Variants in CDV3 observed in about 807,000 individuals in gnomAD.
CDV3 encodes protein CDV3 homolog.
In CDV3, 14 loss-of-function variants were observed where a neutral mutation model predicts 24.5. That is an observed-to-expected ratio of 0.57 (90% CI 0.38 to 0.89). The LOEUF (loss-of-function observed/expected upper bound fraction) is 0.89, where lower values mean the gene tolerates loss of function less well. Among genes scored for constraint, CDV3 ranks in the 40% least tolerant of loss-of-function variants. CDV3 has a pLI of 0.00. For synonymous variants in CDV3, 114 were observed against 114.1 expected, an observed-to-expected ratio of 1.00 and a Z score of 0.00; for missense variants, 304 against 310.2, an observed-to-expected ratio of 0.98 and a Z score of 0.15.
rs1004141614 is a variant in CDV3, at chr3:133,590,050, T to G, written c.*2004T>G. On this transcript the variant is annotated 3_prime_UTR_variant, in exon 5 of 5. Coordinates refer to ENST00000264993, the MANE Select transcript of CDV3 (RefSeq NM_017548.5). ...GTAAAGGCATATTGTACTCGAAATC[T>G]GAAGACCTGCAGCAGATTTAAATTA... 2.0e-5 allele frequency: 3 copies of G among 152,246 alleles called. No homozygotes were observed. The highest frequency in any genetic ancestry group is 7.2e-5 in the African/African-American group (3 of 41,462). 9.4% of individuals were successfully genotyped at this position (152,246 alleles called of 1,614,324 possible).
chr3:133,574,738 G>GTCGGCGTAT, intron 1 of CDV3: 1 of 1,098,932 alleles, frequency 9.1e-7, no homozygotes, highest in Non-Finnish European at 1.1e-6. Flanking sequence ...ACTCTCGGTG[G>GTCGGCGTAT]CAAGGTTGAA....
intron 3 of CDV3, among the ~76,000 whole-genome samples, chr3:133,584,634 A>G (rs886467292): frequency 8.5e-5 from 13 of 152,186 alleles, no homozygotes; most frequent in Non-Finnish European, 1.8e-4. Flanking sequence ...ACAGCTGAGT[A>G]AAGACAGAAA....
Position 133,587,929 on chromosome 3 carries a change from A to G in CDV3, c.660A>G (p.Val220=). Residue 220 remains valine, a synonymous_variant, in exon 5 of 5, where the codon GTA becomes GTG. Transcript: ENST00000264993. Reference sequence around the variant, plus strand: ...AAATGGAGAAGAGCTTTGAAGTAGTAAGACACAAAAATAGAGGTAGGGATG... The same window carrying G: ...AAATGGAGAAGAGCTTTGAAGTAGTGAGACACAAAAATAGAGGTAGGGATG... ...DKEMEKSFEV[V]RHKNRGRDEV... 1.2e-6 allele frequency: 2 copies of G among 1,612,932 alleles called. No homozygotes were observed. Among genetic ancestry groups the G allele is most frequent in the Non-Finnish European group, 1.7e-6 (2 of 1,179,044 alleles).
intron 1 of CDV3, chr3:133,574,821 C>A: frequency 1.2e-6 from 1 of 820,982 alleles, no homozygotes; most frequent in Non-Finnish European, 1.7e-6. Flanking sequence ...GTAACAGCTC[C>A]CATGCAGGAA....
intron 2 of CDV3, among the ~76,000 whole-genome samples, chr3:133,581,021 TAAAA>T (rs551999289): frequency 6.7e-6 from 1 of 148,876 alleles, no homozygotes; most frequent in African/African-American, 2.5e-5. Context: ...CACTAGACAG[TAAAA>T]AAAAAACTTC....
chr3:133,579,806 TGG>T lies in CDV3; in HGVS notation c.318-4195_318-4194del, dbSNP rs778527214. On this transcript the variant is annotated intron_variant, in intron 2 of 4. Coordinates refer to ENST00000264993, the MANE Select transcript of CDV3 (RefSeq NM_017548.5). ...CAGTGTTTGACCATGTTGGTCAGGG[TGG>T]TCTCGAACTCCTGACCTCCAGTGAT... Among the ~76,000 whole-genome samples the T allele has an allele frequency of 1.3e-4, 20 of 152,186 alleles. 2 individuals carry two copies. The highest frequency in any genetic ancestry group is 2.4e-4 in the African/African-American group (10 of 41,534).
At chr3:133,574,474 C>T (rs1299979998) in intron 1 of CDV3, 190 bp downstream of exon 1, 4 of 986,294 alleles carry the variant, frequency 4.1e-6, no homozygotes, top group Non-Finnish European at 4.8e-6. Flanking sequence ...CCGATATCCG[C>T]GGTGGAGCCG....
At chr3:133,583,142 C>T (rs1025134170) in intron 2 of CDV3, among the ~76,000 whole-genome samples, 5 of 152,060 alleles carry the variant, frequency 3.3e-5, no homozygotes, top group African/African-American at 9.7e-5. Context: ...ATCTGGAAAG[C>T]CAAAGACTGA....
intron 3 of CDV3, among the ~76,000 whole-genome samples, chr3:133,585,035 A>G (rs2107733848): frequency 6.6e-6 from 1 of 152,304 alleles, no homozygotes; most frequent in Non-Finnish European, 1.5e-5. Flanking sequence ...GAAATCACAG[A>G]TAACTACTCT....
rs997910447 is a variant in CDV3, at chr3:133,588,511, A to T, written c.*465A>T. On this transcript the variant is annotated 3_prime_UTR_variant, in exon 5 of 5. Coordinates refer to ENST00000264993, the MANE Select transcript of CDV3 (RefSeq NM_017548.5). The stretch of plus-strand genomic sequence containing the variant: ...GATTCTTATCAGAAATCCTGCATAA[A>T]AAGTCAGCCATCTGGGTTCTGATCT... The T allele has an allele frequency of 1.2e-6, 1 of 827,368 alleles. No homozygotes were observed. Among genetic ancestry groups the T allele is most frequent in the Non-Finnish European group, 1.9e-6 (1 of 527,002 alleles). 51.3% of individuals were successfully genotyped at this position (827,368 alleles called of 1,614,324 possible).
Position 133,588,342 on chromosome 3 carries a change from T to C in CDV3, c.*296T>C, listed in dbSNP as rs991079411. The C allele has an allele frequency of 3.3e-6, 5 of 1,536,310 alleles. No individual in the cohort carries two copies. Among genetic ancestry groups the C allele is most frequent in the South Asian group, 1.2e-5 (1 of 84,068 alleles). ...CAGCCAGTGGTCATTTCAAAATCTT[T>C]TTATGTTCAGATACTGAGCCTTCAT... On this transcript the variant is annotated 3_prime_UTR_variant, in exon 5 of 5. Transcript: ENST00000264993.
rs147946195 is a variant in CDV3 at position 133,582,838 on chromosome 3, T to C, written c.318-1164T>C. On this transcript the variant is annotated intron_variant, in intron 2 of 4. Coordinates refer to ENST00000264993, the MANE Select transcript of CDV3 (RefSeq NM_017548.5). ...GTTTCTGCCAGGTGTATCTTCGAGG[T>C]GAAGAGTTGCAAAAAGGACGTTCGA... is the stretch of plus-strand genomic sequence containing the variant. Among the ~76,000 whole-genome samples, 34 of 152,256 alleles carry C rather than the reference T, an allele frequency of 2.2e-4. No homozygotes were observed. The East Asian group carries it at 6.4e-3, about 28-fold the overall frequency.
rs1448891231 is a variant in CDV3, at chr3:133,589,935, CTG to C, written c.*1892_*1893del. 4 of 152,198 alleles carry C rather than the reference CTG, an allele frequency of 2.6e-5. No homozygotes were observed. The highest frequency in any genetic ancestry group is 2.1e-4 in the South Asian group (1 of 4,830). 9.4% of individuals were successfully genotyped at this position (152,198 alleles called of 1,614,324 possible). A position where few individuals can be genotyped will look rare whatever the true frequency, so the allele number is the denominator to read the frequency against. Reference sequence around the variant, plus strand: ...TTAAAAAAATCTCTTCATCGTTGAACTGTGCATTTTCCCTGCATTTTTTCCCA... The same window carrying C: ...TTAAAAAAATCTCTTCATCGTTGAACTGCATTTTCCCTGCATTTTTTCCCA... On this transcript the variant is annotated 3_prime_UTR_variant, in exon 5 of 5. Transcript: ENST00000264993.
chr3:133,581,791 G>A (rs1462975928), intron 2 of CDV3, among the ~76,000 whole-genome samples: 2 of 152,144 alleles, frequency 1.3e-5, no homozygotes, highest in African/African-American at 2.4e-5. Context: ...TTTATATTAG[G>A]TATATAGATG....
rs1269388646 is a variant in CDV3, at chr3:133,583,997, T to C, written c.318-5T>C. 1.9e-6 allele frequency: 3 copies of C among 1,591,126 alleles called. No individual in the cohort carries two copies. The South Asian group carries it at 3.4e-5, about 18-fold the overall frequency. ...CTTAATGAATTTACATCTTTGCTTT[T>C]CCAGCAGTGAAAAGGAAGAAGACGA... On this transcript the variant is annotated splice_polypyrimidine_tract_variant and splice_region_variant and intron_variant, in intron 2 of 4. Transcript: ENST00000264993.
At chr3:133,577,154 C>CT (rs764355293) in intron 2 of CDV3, among the ~76,000 whole-genome samples, 13 of 151,946 alleles carry the variant, frequency 8.6e-5, no homozygotes, top group South Asian at 6.2e-4. Flanking sequence ...CCTAGACTAG[C>CT]TTTTATATTG....
At chr3:133,577,437 C>T (rs1201190324) in intron 2 of CDV3, among the ~76,000 whole-genome samples, 4 of 151,472 alleles carry the variant, frequency 2.6e-5, no homozygotes, top group Admixed American at 1.3e-4. Context: ...CTCAGCTCAC[C>T]GCAACCTCAG....
Position 133,573,894 on chromosome 3 carries a change from T to C in CDV3, c.-151T>C. 1 of 463,142 alleles carries C rather than the reference T, an allele frequency of 2.2e-6. No individual in the cohort carries two copies. Among genetic ancestry groups the C allele is most frequent in the Non-Finnish European group, 2.8e-6 (1 of 353,178 alleles). The allele number at this position is 463,142 out of a possible 1,614,324, so 28.7% of individuals were successfully genotyped here. On this transcript the variant is annotated 5_prime_UTR_variant, in exon 1 of 5. Transcript: ENST00000264993. ...GCCAGCACGCAGGGGGAGCCGCCCG[T>C]CTCGCCGCGCACGCCTCGGCGACCC... is the stretch of plus-strand genomic sequence containing the variant.
In CDV3 at chr3:133,574,148, C is replaced by T. The variant is rs919518602; in HGVS notation, c.104C>T (p.Ala35Val). The change falls in exon 1 of 5, where the codon GCG becomes GTG. Residue 35 changes from alanine (A) to valine (V), a missense_variant. Physicochemically the swap from Ala to Val is moderately conservative, Grantham distance 64. Coordinates refer to ENST00000264993, the MANE Select transcript of CDV3 (RefSeq NM_017548.5). ...CGGGCGGCGAGTGCCGCGGGCGCAG[C>T]GGGCAGCGCCGGCGGAAGCAGTGGA... is the stretch of plus-strand genomic sequence containing the variant. ...SNRAASAAGA[A>V]GSAGGSSGAA... 6.7e-5 allele frequency: 78 copies of T among 1,172,320 alleles called. No individual in the cohort carries two copies. The highest frequency in any genetic ancestry group is 8.2e-5 in the African/African-American group (5 of 61,130). The allele number at this position is 1,172,320 out of a possible 1,614,324, so 72.6% of individuals were successfully genotyped here.
Sources: gnomAD v4.1 joint callset for allele counts (sites outside exome capture counted in the v4.1 genomes callset) on GRCh38, gnomAD v4.1.1 for gene constraint, MANE v1.5 for transcripts, NCBI Gene and HGNC (gene_info 2026-07-23, HGNC 2026-07-21) for gene names.